Variants in NRXN3 observed in about 807,000 individuals in gnomAD.
The protein encoded by NRXN3 is neurexin III.
Under a neutral mutation model 137.6 loss-of-function variants are expected in NRXN3, and 32 were observed. The ratio of observed to expected loss-of-function variants is 0.23; its 90% confidence interval spans 0.18 to 0.31. The LOEUF (loss-of-function observed/expected upper bound fraction) is 0.31, where lower values mean the gene tolerates loss of function less well. NRXN3 is among the 10% of genes least tolerant of loss of function. The pLI is 1.00. For synonymous variants in NRXN3, 798 were observed against 784.5 expected, an observed-to-expected ratio of 1.02 and a Z score of -0.29; for missense variants, 1,574 against 2,062.5, an observed-to-expected ratio of 0.76 and a Z score of 4.59.
At chr14:78,747,284 G>T (rs561163691) in intron 8 of NRXN3, among the ~76,000 whole-genome samples, 15 of 152,342 alleles carry the variant, frequency 9.8e-5, no homozygotes, top group East Asian at 9.6e-4. Flanking sequence ...CATCCTTGAT[G>T]TGGGGATCAT....
chr14:79,775,308 C>G (rs1246920972), intron 19 of NRXN3, among the ~76,000 whole-genome samples: 2 of 152,018 alleles, frequency 1.3e-5, no homozygotes, highest in East Asian at 3.9e-4. Flanking sequence ...GAATGAGGTT[C>G]TGTCTGTGGG....
At chr14:79,570,437 C>T (rs187688760) in intron 16 of NRXN3, 2 of 152,282 alleles carry the variant, frequency 1.3e-5, no homozygotes, top group Admixed American at 6.5e-5. Context: ...GAGGAAAAGA[C>T]ATGCTTTTCT....
chr14:78,708,416 G>A (rs1163954264), intron 6 of NRXN3: 2 of 152,098 alleles, frequency 1.3e-5, no homozygotes, highest in Non-Finnish European at 2.9e-5. Context: ...TGTACAGAGG[G>A]CACATGCAAT....
intron 15 of NRXN3, among the ~76,000 whole-genome samples, chr14:79,152,467 G>A (rs1244449107): frequency 6.6e-6 from 1 of 151,960 alleles, no homozygotes; most frequent in Non-Finnish European, 1.5e-5. Context: ...TGCTATATTA[G>A]TCTGTTCTCA....
chr14:78,204,660 C>T (rs1340314752), intron 1 of NRXN3, among the ~76,000 whole-genome samples: 1 of 152,010 alleles, frequency 6.6e-6, no homozygotes. Flanking sequence ...ATAATATGTG[C>T]ATAGAAAAAA....
At chr14:79,079,212 G>A (rs188861279) in intron 15 of NRXN3, among the ~76,000 whole-genome samples, 9 of 152,228 alleles carry the variant, frequency 5.9e-5, no homozygotes, top group South Asian at 2.1e-4. Context: ...CCAGGCAAAC[G>A]TTACTAAAGC....
intron 10 of NRXN3, among the ~76,000 whole-genome samples, chr14:78,915,140 C>T (rs1455084590): frequency 6.6e-6 from 1 of 151,592 alleles, no homozygotes; most frequent in Non-Finnish European, 1.5e-5. Context: ...CAATAAATTG[C>T]CTTCCATTGT....
At chr14:79,726,323 G>C (rs1407407921) in intron 19 of NRXN3, among the ~76,000 whole-genome samples, 1 of 152,126 alleles carries the variant, frequency 6.6e-6, no homozygotes, top group East Asian at 1.9e-4. Context: ...TTGTTTCTCT[G>C]TCATAAAATT....
chr14:79,855,480 C>T (rs1440561483), intron 20 of NRXN3, among the ~76,000 whole-genome samples: 8 of 151,970 alleles, frequency 5.3e-5, no homozygotes, highest in Non-Finnish European at 8.8e-5. Context: ...CTTAGAACTT[C>T]CTAAATGGGA....
At position 79,513,934 on chromosome 14, in the gene NRXN3, A is replaced by G. The variant is rs76800684; in HGVS notation, c.3444+46532A>G. 5.6e-3 allele frequency among the ~76,000 whole-genome samples: 855 copies of G among 152,342 alleles called. 5 individuals carry two copies. Among genetic ancestry groups the G allele is most frequent in the African/African-American group, 0.02 (828 of 41,582 alleles). ...CAAAAATCTAAAATGTCACTATACAATAAATTAATACTTACATTCTAAGGG... is the reference window on the plus strand; with the variant it reads ...CAAAAATCTAAAATGTCACTATACAGTAAATTAATACTTACATTCTAAGGG... On this transcript the variant is annotated intron_variant, in intron 16 of 20. Transcript: ENST00000335750.
chr14:78,959,654 C>T (rs770346624), intron 11 of NRXN3, among the ~76,000 whole-genome samples: 3 of 152,212 alleles, frequency 2.0e-5, no homozygotes, highest in East Asian at 1.9e-4. Context: ...TCCTGGTCTA[C>T]GTGCCTGGAG....
chr14:79,539,040 T>A (rs1308570539), intron 16 of NRXN3, among the ~76,000 whole-genome samples: 1 of 152,160 alleles, frequency 6.6e-6, no homozygotes, highest in African/African-American at 2.4e-5. Flanking sequence ...AGCTATAAAG[T>A]GATCGAGACA....
chr14:78,546,609 C>T (rs2096638813), intron 4 of NRXN3, among the ~76,000 whole-genome samples: 1 of 152,026 alleles, frequency 6.6e-6, no homozygotes, highest in African/African-American at 2.4e-5. Context: ...CTTTTTAAAT[C>T]TTTGTTTTCA....
chr14:78,948,628 CTTTTTT>C (rs201010514), intron 10 of NRXN3, among the ~76,000 whole-genome samples: 19 of 108,636 alleles, frequency 1.7e-4, no homozygotes, highest in African/African-American at 4.9e-4. Context: ...ACACATTTAA[CTTTTTT>C]TTTTTTTTTT....
At chr14:78,347,589 T>C (rs2082925498) in intron 4 of NRXN3, among the ~76,000 whole-genome samples, 1 of 152,174 alleles carries the variant, frequency 6.6e-6, no homozygotes. Context: ...CATGCATCCC[T>C]GCTTGAGGAC....
intron 15 of NRXN3, among the ~76,000 whole-genome samples, chr14:79,294,382 T>C (rs1272001652): frequency 6.6e-6 from 1 of 152,238 alleles, no homozygotes; most frequent in Non-Finnish European, 1.5e-5. Flanking sequence ...TTTCCCTTTG[T>C]GGTTGATGTA....
Position 78,322,342 on chromosome 14 carries a change from A to G in NRXN3, c.757+24482A>G, listed in dbSNP as rs533489875. ...CTCCCTGGCTATTCGGAAAGGGGTG[A>G]TCATTCCTCCTGGACTCTAGTTTGA... On this transcript the variant is annotated intron_variant, in intron 4 of 20. Coordinates refer to ENST00000335750, the MANE Select transcript of NRXN3 (RefSeq NM_001330195.2). 5.9e-5 allele frequency among the ~76,000 whole-genome samples: 9 copies of G among 152,102 alleles called. No individual in the cohort carries two copies. In the South Asian group the frequency reaches 1.7e-3, roughly 28 times the overall value.
At chr14:79,773,097 A>T (rs1482901489) in intron 19 of NRXN3, among the ~76,000 whole-genome samples, 3 of 152,208 alleles carry the variant, frequency 2.0e-5, no homozygotes, top group African/African-American at 7.2e-5. Flanking sequence ...CATACCAGTT[A>T]GAATGGCAAT....
chr14:79,603,807 C>G (rs2153836699), intron 16 of NRXN3, among the ~76,000 whole-genome samples: 1 of 152,286 alleles, frequency 6.6e-6, no homozygotes, highest in South Asian at 2.1e-4. Context: ...GTTTACTATG[C>G]TCCATGAGAT....
Sources: gnomAD v4.1 joint callset for allele counts (sites outside exome capture counted in the v4.1 genomes callset) on GRCh38, gnomAD v4.1.1 for gene constraint, MANE v1.5 for transcripts, NCBI Gene and HGNC (gene_info 2026-07-23, HGNC 2026-07-21) for gene names.